The following DSCAM variants were observed in gnomAD, a reference collection of about 807,000 sequenced individuals.
The protein encoded by DSCAM is DS cell adhesion molecule.
A neutral mutation model predicts 217.7 loss-of-function variants in DSCAM; 47 were observed. That is an observed-to-expected ratio of 0.22 (90% CI 0.17 to 0.28). The LOEUF is 0.28. Ranked by LOEUF, DSCAM falls within the 10% of genes least tolerant of loss-of-function variation. The pLI is 1.00. For missense variants in DSCAM, 2,080 were observed against 2,618.3 expected (o/e 0.79, Z 4.49); for synonymous variants, 1,056 against 1,015.3 (o/e 1.04, Z -0.76).
chr21:40,096,298 AT>A (rs1427239161), intron 20 of DSCAM, among the ~76,000 whole-genome samples: 2 of 152,224 alleles, frequency 1.3e-5, no homozygotes, highest in East Asian at 3.9e-4. Context: ...ATGTTAAAAA[AT>A]TGGTTGATGT....
intron 3 of DSCAM, among the ~76,000 whole-genome samples, chr21:40,656,520 T>C (rs1484856985): frequency 7.4e-6 from 1 of 134,778 alleles, no homozygotes; most frequent in African/African-American, 2.9e-5. Flanking sequence ...GATGCTTCAA[T>C]AGAAAAAAAA....
At chr21:40,824,184 A>G (rs1022121134) in intron 1 of DSCAM, among the ~76,000 whole-genome samples, 1 of 152,052 alleles carries the variant, frequency 6.6e-6, no homozygotes, top group Admixed American at 6.6e-5. Context: ...TCCTAGTGGC[A>G]GATCATCTCA....
chr21:40,723,527 G>A (rs978779771), intron 1 of DSCAM, among the ~76,000 whole-genome samples: 8 of 152,132 alleles, frequency 5.3e-5, no homozygotes, highest in Non-Finnish European at 8.8e-5. Context: ...CTAGAAGAGG[G>A]GCAGCATGCT....
At chr21:40,055,946 C>A (rs905291149) in intron 28 of DSCAM, 106 bp from the exon 29 acceptor site, 2 of 760,950 alleles carry the variant, frequency 2.6e-6, no homozygotes, top group Admixed American at 2.1e-5. Flanking sequence ...TATACAAATA[C>A]CTTGTGAGGA....
chr21:40,180,281 C>G (rs868439806), intron 14 of DSCAM, among the ~76,000 whole-genome samples: 1 of 152,144 alleles, frequency 6.6e-6, no homozygotes, highest in African/African-American at 2.4e-5. Context: ...CAGAGTTAAA[C>G]ATAAATGCAA....
At chr21:40,725,524 T>C (rs1278616285) in intron 1 of DSCAM, among the ~76,000 whole-genome samples, 2 of 152,228 alleles carry the variant, frequency 1.3e-5, no homozygotes, top group Admixed American at 6.5e-5. Context: ...AGACTGTTCG[T>C]ATATGTGACT....
chr21:40,258,192 C>G (rs944405664), intron 11 of DSCAM, among the ~76,000 whole-genome samples: 5 of 152,178 alleles, frequency 3.3e-5, no homozygotes, highest in African/African-American at 1.2e-4. Context: ...CGATGAAAAC[C>G]TAAAAGCATG....
At chr21:40,469,901 T>C (rs1035259727) in intron 3 of DSCAM, among the ~76,000 whole-genome samples, 2 of 152,198 alleles carry the variant, frequency 1.3e-5, no homozygotes, top group African/African-American at 4.8e-5. Flanking sequence ...ATGTAGTCCA[T>C]GGAAAAGTGC....
intron 3 of DSCAM, among the ~76,000 whole-genome samples, chr21:40,641,621 A>T (rs986962978): frequency 6.6e-6 from 1 of 152,220 alleles, no homozygotes; most frequent in African/African-American, 2.4e-5. Flanking sequence ...ATGATTGAAA[A>T]TATCTAGAAG....
chr21:40,032,250 G>A (rs940966375), intron 32 of DSCAM, among the ~76,000 whole-genome samples: 19 of 152,132 alleles, frequency 1.2e-4, no homozygotes, highest in Non-Finnish European at 2.8e-4. Context: ...CATAGTGGGT[G>A]CTCCAAAACC....
At position 40,765,556 on chromosome 21, in the gene DSCAM, A is replaced by T. The variant is rs150578705; in HGVS notation, c.44-56785T>A. ...TTTTAAACTTTGTTTCCTGAGAGAC[A>T]CATTCCAGGCATCATAGAAGCAATG... On this transcript the variant is annotated intron_variant, in intron 1 of 32. Transcript: ENST00000400454. Among the ~76,000 whole-genome samples, 96 of 152,288 alleles carry T rather than the reference A, an allele frequency of 6.3e-4. No homozygotes were observed. In the East Asian group the frequency reaches 0.015, roughly 23 times the overall value.
At chr21:40,067,826 T>C (rs2089234088) in intron 27 of DSCAM, among the ~76,000 whole-genome samples, 1 of 148,530 alleles carries the variant, frequency 6.7e-6, no homozygotes, top group Non-Finnish European at 1.5e-5. Context: ...CTGATTCAAA[T>C]AGCATTTCTC....
chr21:40,337,512 A>T (rs2074441014), intron 8 of DSCAM, among the ~76,000 whole-genome samples: 1 of 152,036 alleles, frequency 6.6e-6, no homozygotes, highest in African/African-American at 2.4e-5. Context: ...TGGTAAGGAG[A>T]TTGTAGTCAA....
chr21:40,445,000 G>C (rs954309215), intron 3 of DSCAM, among the ~76,000 whole-genome samples: 2 of 152,158 alleles, frequency 1.3e-5, no homozygotes, highest in Non-Finnish European at 1.5e-5. Context: ...TATGGTTCTG[G>C]AGCCTGGGGA....
At chr21:40,798,586 G>T (rs1156392727) in intron 1 of DSCAM, among the ~76,000 whole-genome samples, 2 of 152,050 alleles carry the variant, frequency 1.3e-5, no homozygotes, top group Non-Finnish European at 2.9e-5. Context: ...TACAGTAGAG[G>T]ATCAGCTAAT....
At chr21:40,480,883 G>T (rs1210152559) in intron 3 of DSCAM, among the ~76,000 whole-genome samples, 1 of 152,122 alleles carries the variant, frequency 6.6e-6, no homozygotes, top group Non-Finnish European at 1.5e-5. Flanking sequence ...GATGCAATCA[G>T]AAAACATTTT....
chr21:40,249,514 G>A (rs1033939206), intron 11 of DSCAM, among the ~76,000 whole-genome samples: 43 of 152,192 alleles, frequency 2.8e-4, no homozygotes, highest in African/African-American at 8.2e-4. Context: ...TCCCAGTCTC[G>A]GGTATGTCTT....
At chr21:40,342,079 CGT>C (rs1412106590) in intron 6 of DSCAM, among the ~76,000 whole-genome samples, 1 of 152,088 alleles carries the variant, frequency 6.6e-6, no homozygotes, top group Admixed American at 6.6e-5. Flanking sequence ...ATTGGCCATC[CGT>C]GTGTTTCCTT....
At chr21:40,692,345 A>G (rs8134811) in intron 3 of DSCAM, among the ~76,000 whole-genome samples, 7,331 of 152,316 alleles carry the variant, frequency 0.048, 358 homozygotes, top group African/African-American at 0.13. Context: ...ATATATTCTT[A>G]GTAGAATCTT....
Sources: gnomAD v4.1 joint callset for allele counts (sites outside exome capture counted in the v4.1 genomes callset) on GRCh38, gnomAD v4.1.1 for gene constraint, MANE v1.5 for transcripts, NCBI Gene and HGNC (gene_info 2026-07-23, HGNC 2026-07-21) for gene names.